The following CDH4 variants were observed in gnomAD, a reference collection of about 807,000 sequenced individuals.
CDH4 encodes the protein cadherin 4, also known as cadherin-4.
A neutral mutation model predicts 86.0 loss-of-function variants in CDH4; 33 were observed. The observed-to-expected ratio is 0.38, with a 90% CI of 0.29 to 0.51. The LOEUF is 0.51. CDH4 is among the 20% of genes least tolerant of loss of function. The pLI is 0.86. For synonymous variants in CDH4, 555 were observed against 549.4 expected (o/e 1.01, Z -0.14); for missense variants, 1,114 against 1,307.4 (o/e 0.85, Z 2.28).
chr20:61,336,452 G>A lies in CDH4; in HGVS notation c.169+81515G>A, dbSNP rs576695255. 4.5e-4 allele frequency among the ~76,000 whole-genome samples: 68 copies of A among 152,142 alleles called. No individual in the cohort carries two copies. The South Asian group carries it at 0.013, about 30-fold the overall frequency. On this transcript the variant is annotated intron_variant, in intron 2 of 15. Transcript: ENST00000614565. Reference sequence around the variant, plus strand: ...CCACCACCACGACCATGCTTTCCCTGTGGTGACCTGTTTTCTCATGGCACC... The same window carrying A: ...CCACCACCACGACCATGCTTTCCCTATGGTGACCTGTTTTCTCATGGCACC...
chr20:61,313,905 T>A (rs1435864255), intron 2 of CDH4, among the ~76,000 whole-genome samples: 2 of 152,212 alleles, frequency 1.3e-5, no homozygotes, highest in East Asian at 3.9e-4. Context: ...CCCAGCTAAT[T>A]TTTGTTTTTT....
chr20:61,888,892 TC>T (rs1413620782), intron 7 of CDH4, among the ~76,000 whole-genome samples: 1 of 152,178 alleles, frequency 6.6e-6, no homozygotes, highest in African/African-American at 2.4e-5. Flanking sequence ...GACTCAGTCT[TC>T]CCCTCCGTAA....
At chr20:61,365,035 A>G (rs1426744925) in intron 2 of CDH4, among the ~76,000 whole-genome samples, 1 of 152,188 alleles carries the variant, frequency 6.6e-6, no homozygotes, top group East Asian at 1.9e-4. Context: ...TTGGCCCATG[A>G]TGGATTCCAA....
At chr20:61,607,074 TGTG>T (rs1220712075) in intron 2 of CDH4, among the ~76,000 whole-genome samples, 2 of 152,232 alleles carry the variant, frequency 1.3e-5, no homozygotes, top group East Asian at 3.8e-4. Context: ...TTTACAACCT[TGTG>T]GTAACACCAT....
intron 2 of CDH4, among the ~76,000 whole-genome samples, chr20:61,319,903 C>T (rs527815872): frequency 4.6e-5 from 7 of 151,210 alleles, no homozygotes; most frequent in African/African-American, 7.3e-5. Flanking sequence ...TGCAGTAAGC[C>T]GAGATTATGC....
chr20:61,928,017 C>G (rs2055063563), intron 11 of CDH4, among the ~76,000 whole-genome samples, 173 bp from the exon 12 acceptor site: 1 of 152,222 alleles, frequency 6.6e-6, no homozygotes. Context: ...GACTGTGGGT[C>G]AGTCCCTGTG....
intron 2 of CDH4, among the ~76,000 whole-genome samples, chr20:61,353,884 T>C (rs1223512933): frequency 6.6e-6 from 1 of 151,518 alleles, no homozygotes; most frequent in Non-Finnish European, 1.5e-5. Context: ...AAATTTATCT[T>C]TGAGCATAAT....
chr20:61,874,536 G>T (rs976848296), intron 7 of CDH4, among the ~76,000 whole-genome samples: 3 of 152,172 alleles, frequency 2.0e-5, no homozygotes, highest in African/African-American at 7.2e-5. Flanking sequence ...ACCCCAGAGG[G>T]AGGCCCTGGG....
rs181704650 is a variant in CDH4 at position 61,853,749 on chromosome 20, T to G, written c.877+851T>G. Among the ~76,000 whole-genome samples the G allele has an allele frequency of 6.1e-3, 924 of 152,254 alleles. 5 individuals carry two copies. Among genetic ancestry groups the G allele is most frequent in the Non-Finnish European group, 7.4e-3 (506 of 67,992 alleles). On this transcript the variant is annotated intron_variant, in intron 6 of 15. Coordinates refer to ENST00000614565, the MANE Select transcript of CDH4 (RefSeq NM_001794.5). ...GCTCATCCAGATGCTGCAGGTGGCC[T>G]GGGGCTGTGGGTTAACAAACCCCAG... is the stretch of plus-strand genomic sequence containing the variant.
intron 2 of CDH4, among the ~76,000 whole-genome samples, chr20:61,476,971 G>T (rs943796394): frequency 6.6e-6 from 1 of 152,226 alleles, no homozygotes; most frequent in Non-Finnish European, 1.5e-5. Flanking sequence ...GAAGCCCCGG[G>T]AGAGACAGAG....
intron 2 of CDH4, among the ~76,000 whole-genome samples, chr20:61,694,739 G>A (rs2087697997): frequency 6.6e-6 from 1 of 152,186 alleles, no homozygotes; most frequent in Non-Finnish European, 1.5e-5. Flanking sequence ...GCGTGCTTTA[G>A]AGATGAGAAG....
chr20:61,538,717 C>T (rs1271703902), intron 2 of CDH4, among the ~76,000 whole-genome samples: 1 of 152,150 alleles, frequency 6.6e-6, no homozygotes, highest in Non-Finnish European at 1.5e-5. Context: ...CCCACTATTC[C>T]CACTGGGTGC....
intron 2 of CDH4, among the ~76,000 whole-genome samples, chr20:61,358,387 G>A (rs1373422265): frequency 1.3e-5 from 2 of 152,204 alleles, no homozygotes; most frequent in Non-Finnish European, 2.9e-5. Flanking sequence ...TCCACGAGGG[G>A]CTCAGGGTCC....
At chr20:61,469,187 C>G (rs1181546986) in intron 2 of CDH4, among the ~76,000 whole-genome samples, 1 of 152,148 alleles carries the variant, frequency 6.6e-6, no homozygotes, top group Non-Finnish European at 1.5e-5. Flanking sequence ...TGAGGGTTCC[C>G]TTTCTCCACA....
At chr20:61,930,817 G>T (rs1213769260) in intron 13 of CDH4, among the ~76,000 whole-genome samples, 1 of 152,236 alleles carries the variant, frequency 6.6e-6, no homozygotes, top group African/African-American at 2.4e-5. Flanking sequence ...GAGGTTGGGA[G>T]GTGTCTCTGT....
chr20:61,696,863 T>C (rs1031226739), intron 2 of CDH4, among the ~76,000 whole-genome samples: 4 of 152,230 alleles, frequency 2.6e-5, no homozygotes, highest in African/African-American at 9.6e-5. Context: ...CTGGGTGATC[T>C]AGGCGCACCC....
intron 4 of CDH4, among the ~76,000 whole-genome samples, chr20:61,824,763 T>G (rs10485827): frequency 0.024 from 3,633 of 152,294 alleles, 110 homozygotes; most frequent in East Asian, 0.093. Flanking sequence ...ATCTGCAGCC[T>G]TTTATCCGCT....
chr20:61,686,026 A>T (rs1197472794), intron 2 of CDH4, among the ~76,000 whole-genome samples: 2 of 152,240 alleles, frequency 1.3e-5, no homozygotes, highest in African/African-American at 2.4e-5. Flanking sequence ...GAAGGCAAAA[A>T]TAATGTCAAT....
intron 2 of CDH4, among the ~76,000 whole-genome samples, chr20:61,682,030 G>A (rs2087520572): frequency 6.6e-6 from 1 of 152,232 alleles, no homozygotes; most frequent in African/African-American, 2.4e-5. Flanking sequence ...AGCAGTTGCT[G>A]TATCCTGCTA....
Sources: gnomAD v4.1 joint callset for allele counts (sites outside exome capture counted in the v4.1 genomes callset) on GRCh38, gnomAD v4.1.1 for gene constraint, MANE v1.5 for transcripts, NCBI Gene and HGNC (gene_info 2026-07-23, HGNC 2026-07-21) for gene names.